The following PDE6A variants were observed in gnomAD, a reference collection of about 807,000 sequenced individuals.
PDE6A encodes the protein phosphodiesterase 6A.
In PDE6A, 84 loss-of-function variants were observed where a neutral mutation model predicts 106.3. The ratio of observed to expected loss-of-function variants is 0.79; its 90% CI spans 0.66 to 0.95. The LOEUF is 0.95. Among genes scored for constraint, PDE6A ranks in the 40% least tolerant of loss-of-function variants. The pLI is 0.00. For missense variants in PDE6A, 1,052 were observed against 1,084.9 expected (o/e 0.97, Z 0.43); for synonymous variants, 394 against 386.6 (o/e 1.02, Z -0.23).
chr5:149,899,498 C>A lies in PDE6A; in HGVS notation c.1140G>T (p.Trp380Cys). The change falls in exon 9 of 22, where the codon TGG (tryptophan) becomes TGT (cysteine). Residue 380 changes from tryptophan to cysteine, a missense_variant. Physicochemically the swap from Trp to Cys is radical, Grantham distance 215. Coordinates refer to ENST00000255266, the MANE Select transcript of PDE6A (RefSeq NM_000440.3). ...GCATTGAAAGCACATTTTTAATCAT[C>A]CATCCAGACTCATCCAGAGGTTCTT... ...FQKEPLDESG[W>C]MIKNVLSMPI... is the part of the protein sequence containing the mutation. 1 of 1,614,178 alleles carries A rather than the reference C, an allele frequency of 6.2e-7. No homozygotes were observed. The highest frequency in any genetic ancestry group is 1.1e-5 in the South Asian group (1 of 91,086).
rs1754133565 is a variant in PDE6A at position 149,934,670 on chromosome 5, T to C, written c.523A>G (p.Lys175Glu). 3 of 1,614,024 alleles carry C rather than the reference T, an allele frequency of 1.9e-6. No homozygotes were observed. Among genetic ancestry groups the C allele is most frequent in the Non-Finnish European group, 2.5e-6 (3 of 1,180,026 alleles). Residue 175 changes from lysine to glutamate, a missense_variant, in exon 2 of 22, where the codon AAG (lysine) becomes GAG (glutamate). This residue lies in a region of PDE6A where 913 missense variants were observed against 915.2 expected (regional missense o/e 1.00). Transcript: ENST00000255266. ...ATTATGGGGGAAGCCAAGATGTTCT[T>C]GGTCTTGTACTCTGTGAGGATGTCC... ...FVDILTEYKT[K>E]NILASPIMNG...
At chr5:149,889,362 T>G (rs906430519) in intron 13 of PDE6A, among the ~76,000 whole-genome samples, 1 of 152,018 alleles carries the variant, frequency 6.6e-6, no homozygotes, top group Non-Finnish European at 1.5e-5. Context: ...TTAAGAAAAC[T>G]GTTTTCTTTA....
intron 5 of PDE6A, among the ~76,000 whole-genome samples, chr5:149,917,384 C>T (rs1753588942): frequency 6.6e-6 from 1 of 152,142 alleles, no homozygotes; most frequent in South Asian, 2.1e-4. Flanking sequence ...CTGGGCTCCA[C>T]CCCAAGCCTC....
At position 149,866,172 on chromosome 5, in the gene PDE6A, T is replaced by C; in HGVS notation, c.2356A>G (p.Lys786Glu). ...FIDFVCTFVY[K>E]EFSRFHEEIT... ...GGCTGAGGAAGCCAAGGGCCTACCT[T>C]GTAGACGAAGGTGCAAACAAAGTCA... is the stretch of plus-strand genomic sequence containing the variant. Residue 786 changes from lysine to glutamate, a missense_variant and splice_region_variant, in exon 20 of 22, where the codon AAG (lysine) becomes GAG (glutamate). Lys to Glu is a moderately conservative substitution (Grantham distance 56). Transcript: ENST00000255266. The C allele has an allele frequency of 1.9e-6, 3 of 1,612,598 alleles. No homozygotes were observed. Among genetic ancestry groups the C allele is most frequent in the Non-Finnish European group, 2.5e-6 (3 of 1,178,608 alleles).
At chr5:149,899,346 A>G (rs1321936332) in intron 9 of PDE6A, 29 bp downstream of exon 9, 2 of 1,613,414 alleles carry the variant, frequency 1.2e-6, no homozygotes, top group Non-Finnish European at 8.5e-7. Context: ...CTGAATCCCA[A>G]CAGCAAAAGG....
intron 17 of PDE6A, among the ~76,000 whole-genome samples, chr5:149,874,341 G>A (rs538022921): frequency 2.0e-5 from 3 of 152,254 alleles, no homozygotes; most frequent in Admixed American, 6.5e-5. Context: ...GTGTCCCTGC[G>A]TTCGGGTTCA....
At chr5:149,933,571 C>T (rs1051059759) in intron 3 of PDE6A, among the ~76,000 whole-genome samples, 2 of 152,184 alleles carry the variant, frequency 1.3e-5, no homozygotes, top group Non-Finnish European at 2.9e-5. Flanking sequence ...AGCACTATTG[C>T]CCTATATGCA....
chr5:149,896,240 T>A, intron 12 of PDE6A, 116 bp downstream of exon 12: 1 of 835,832 alleles, frequency 1.2e-6, no homozygotes, highest in Non-Finnish European at 1.9e-6. Flanking sequence ...ATTCTTTAAA[T>A]CCTAAATACT....
chr5:149,868,965 A>AAAAAAAG (rs1200401809), intron 17 of PDE6A, among the ~76,000 whole-genome samples: 3 of 152,214 alleles, frequency 2.0e-5, no homozygotes, highest in African/African-American at 7.2e-5. Flanking sequence ...TTAAAAGGTA[A>AAAAAAAG]AAAAAAGAAA....
At chr5:149,932,636 C>T (rs1754075170) in intron 3 of PDE6A, 4 of 1,613,478 alleles carry the variant, frequency 2.5e-6, no homozygotes, top group Non-Finnish European at 2.5e-6. Context: ...CAGTATATTC[C>T]ATTTCGTACG....
intron 1 of PDE6A, among the ~76,000 whole-genome samples, chr5:149,940,509 T>C (rs980229137): frequency 1.3e-5 from 2 of 151,438 alleles, no homozygotes; most frequent in African/African-American, 2.4e-5. Flanking sequence ...TGAATCCTTT[T>C]TTTTTTGGAG....
In PDE6A at chr5:149,882,795, C is replaced by T. The variant is rs139841767; in HGVS notation, c.2135+634G>A. Reference sequence around the variant, plus strand: ...AATTCGGGCCGGGCATGATGGCTCACGCCTATAATCCCAGCACTTTGAGAG... The same window carrying T: ...AATTCGGGCCGGGCATGATGGCTCATGCCTATAATCCCAGCACTTTGAGAG... On this transcript the variant is annotated intron_variant, in intron 17 of 21. Coordinates refer to ENST00000255266, the MANE Select transcript of PDE6A (RefSeq NM_000440.3). Among the ~76,000 whole-genome samples, 621 of 152,242 alleles carry T rather than the reference C, an allele frequency of 4.1e-3. 3 individuals carry two copies. Among genetic ancestry groups the T allele is most frequent in the Non-Finnish European group, 6.4e-3 (438 of 68,026 alleles).
intron 17 of PDE6A, among the ~76,000 whole-genome samples, chr5:149,869,523 G>C (rs1238247110): frequency 6.6e-6 from 1 of 152,188 alleles, no homozygotes; most frequent in Non-Finnish European, 1.5e-5. Context: ...GGGAGCAAGG[G>C]GGGTGGATTT....
chr5:149,871,589 T>G (rs2113519297), intron 17 of PDE6A, among the ~76,000 whole-genome samples: 1 of 151,878 alleles, frequency 6.6e-6, no homozygotes, highest in African/African-American at 2.4e-5. Flanking sequence ...ACAAAGAGCT[T>G]AAAGGTTGGG....
chr5:149,916,776 A>G (rs932012515), intron 5 of PDE6A, among the ~76,000 whole-genome samples: 2 of 152,188 alleles, frequency 1.3e-5, no homozygotes, highest in African/African-American at 4.8e-5. Context: ...TTGTAGCAAG[A>G]CAGTGAACCA....
intron 1 of PDE6A, among the ~76,000 whole-genome samples, chr5:149,939,141 G>A (rs761187665): frequency 6.6e-6 from 1 of 152,128 alleles, no homozygotes; most frequent in Non-Finnish European, 1.5e-5. Context: ...TACCAAGTAC[G>A]CAGGGATGAC....
At chr5:149,885,611 G>C (rs1334488457) in intron 14 of PDE6A, among the ~76,000 whole-genome samples, 3 of 152,190 alleles carry the variant, frequency 2.0e-5, no homozygotes, top group African/African-American at 4.8e-5. Context: ...ACCATTACTG[G>C]TTATTAACAT....
intron 7 of PDE6A, 73 bp from the exon 8 acceptor site, chr5:149,903,768 A>T: frequency 9.4e-7 from 1 of 1,067,454 alleles, no homozygotes; most frequent in Non-Finnish European, 1.5e-6. Context: ...ACTGTATACC[A>T]TTTTCAGAAA....
chr5:149,929,506 C>T (rs2113653958), intron 4 of PDE6A, among the ~76,000 whole-genome samples: 1 of 152,196 alleles, frequency 6.6e-6, no homozygotes, highest in South Asian at 2.1e-4. Flanking sequence ...ACTCGGGAGA[C>T]TGAGGCAGGA....
Sources: allele counts gnomAD v4.1 joint callset (sites outside exome capture counted in the v4.1 genomes callset), GRCh38; gene constraint gnomAD v4.1.1; regional missense constraint gnomAD v4.1.1; transcripts MANE v1.5; gene names NCBI Gene and HGNC (gene_info 2026-07-23, HGNC 2026-07-21).